Variants in ZMAT4 observed in about 807,000 individuals in gnomAD.
The protein encoded by ZMAT4 is zinc finger matrin-type protein 4.
Under a neutral mutation model 28.7 loss-of-function variants are expected in ZMAT4, and 17 were observed. That is an observed-to-expected ratio of 0.59 (90% CI 0.41 to 0.89). ZMAT4 has a LOEUF of 0.89. Ranked by LOEUF, ZMAT4 falls within the 40% of genes least tolerant of loss-of-function variation. ZMAT4 has a pLI of 0.00. For missense variants in ZMAT4, 240 were observed against 283.8 expected (o/e 0.85, Z 1.11); for synonymous variants, 117 against 109.2 (o/e 1.07, Z -0.44).
In ZMAT4 at chr8:40,616,938, G is replaced by T. The variant is rs556339724; in HGVS notation, c.578-35677C>A. Among the ~76,000 whole-genome samples, 11 of 151,346 alleles carry T rather than the reference G, an allele frequency of 7.3e-5. No individual in the cohort carries two copies. In the East Asian group the frequency reaches 1.9e-3, roughly 27 times the overall value. On this transcript the variant is annotated intron_variant, in intron 5 of 6. Transcript: ENST00000297737. Reference sequence around the variant, plus strand: ...GAACTACAGTAATTTTACAAAACTTGGTTTTAGGTTTTCTAATAGCCAGAG... The same window carrying T: ...GAACTACAGTAATTTTACAAAACTTTGTTTTAGGTTTTCTAATAGCCAGAG...
At chr8:40,697,429 G>A (rs1809939967) in intron 3 of ZMAT4, 28 bp from the exon 4 acceptor site, 2 of 1,508,616 alleles carry the variant, frequency 1.3e-6, no homozygotes, top group African/African-American at 2.8e-5. Flanking sequence ...AAGGCCACGT[G>A]TGAGAGAAAC....
chr8:40,670,730 C>G (rs1017060646), intron 5 of ZMAT4, among the ~76,000 whole-genome samples: 2 of 152,114 alleles, frequency 1.3e-5, no homozygotes, highest in African/African-American at 4.8e-5. Context: ...CATAAACAGA[C>G]ACTTCACAAA....
chr8:40,716,139 G>T (rs1178349950), intron 3 of ZMAT4, among the ~76,000 whole-genome samples: 2 of 152,224 alleles, frequency 1.3e-5, no homozygotes, highest in Non-Finnish European at 2.9e-5. Flanking sequence ...TAGGGGAAAA[G>T]ATTTCAAATC....
At chr8:40,803,846 T>C (rs751178971) in intron 2 of ZMAT4, among the ~76,000 whole-genome samples, 1 of 152,178 alleles carries the variant, frequency 6.6e-6, no homozygotes, top group Admixed American at 6.5e-5. Flanking sequence ...CTTCAGTAGA[T>C]GAAGGTATAA....
At chr8:40,552,696 A>AATATAGG (rs1359798162) in intron 6 of ZMAT4, among the ~76,000 whole-genome samples, 5 of 152,140 alleles carry the variant, frequency 3.3e-5, no homozygotes, top group Non-Finnish European at 7.4e-5. Context: ...CTCCTATATT[A>AATATAGG]AGTGTGTCAT....
At chr8:40,758,506 T>G (rs1173608132) in intron 3 of ZMAT4, among the ~76,000 whole-genome samples, 1 of 152,222 alleles carries the variant, frequency 6.6e-6, no homozygotes, top group African/African-American at 2.4e-5. Flanking sequence ...CACCAGATTT[T>G]AGTTATTAAG....
rs181026683 is a variant in ZMAT4 at position 40,896,467 on chromosome 8, T to C, written c.-5+1216A>G. ...TCCCGCAGGTAGGCAGCGCAACTGG[T>C]GAAGTGCGGTGGGCACACAAGCAGA... On this transcript the variant is annotated intron_variant, in intron 1 of 6. Coordinates refer to ENST00000297737, the MANE Select transcript of ZMAT4 (RefSeq NM_024645.3). Among the ~76,000 whole-genome samples the C allele has an allele frequency of 1.5e-3, 221 of 152,230 alleles. 1 individual carries two copies. The highest frequency in any genetic ancestry group is 5.0e-3 in the African/African-American group (208 of 41,536).
intron 2 of ZMAT4, among the ~76,000 whole-genome samples, chr8:40,817,738 C>G (rs1815601368): frequency 6.6e-6 from 1 of 152,146 alleles, no homozygotes. Context: ...GAAATGTGAG[C>G]TGAATACAGT....
chr8:40,746,940 AC>A (rs1357399125), intron 3 of ZMAT4, among the ~76,000 whole-genome samples: 1 of 151,922 alleles, frequency 6.6e-6, no homozygotes, highest in Non-Finnish European at 1.5e-5. Context: ...ACTCAGAATC[AC>A]TGCTGCAGAA....
intron 5 of ZMAT4, among the ~76,000 whole-genome samples, chr8:40,583,816 C>A (rs1804573333): frequency 1.3e-5 from 2 of 152,130 alleles, no homozygotes; most frequent in African/African-American, 4.8e-5. Context: ...AGACAAGAGA[C>A]AAAAGGCTGC....
chr8:40,632,896 T>C (rs1045053737), intron 5 of ZMAT4, among the ~76,000 whole-genome samples: 4 of 152,170 alleles, frequency 2.6e-5, no homozygotes, highest in African/African-American at 4.8e-5. Flanking sequence ...TGTAGTGGTG[T>C]TGTGGGTTAG....
chr8:40,798,353 C>T lies in ZMAT4; in HGVS notation c.102+27222G>A, dbSNP rs556015316. Among the ~76,000 whole-genome samples the T allele has an allele frequency of 3.3e-5, 5 of 152,328 alleles. No individual in the cohort carries two copies. The East Asian group carries it at 9.7e-4, about 29-fold the overall frequency. ...AATGTGTTCTTGCTGACTGGCATCG[C>T]TCTGTTCCAAGGTCCCAATGCCAGG... On this transcript the variant is annotated intron_variant, in intron 2 of 6. Coordinates refer to ENST00000297737, the MANE Select transcript of ZMAT4 (RefSeq NM_024645.3).
intron 5 of ZMAT4, among the ~76,000 whole-genome samples, chr8:40,589,768 T>G (rs1287454284): frequency 6.8e-6 from 1 of 147,386 alleles, no homozygotes; most frequent in Non-Finnish European, 1.5e-5. Context: ...TTCTTTTTCT[T>G]TCTTTCTTTC....
At chr8:40,690,931 C>A in intron 4 of ZMAT4, 1 of 985,070 alleles carries the variant, frequency 1.0e-6, no homozygotes, top group Non-Finnish European at 1.2e-6. Flanking sequence ...GCTTTTCTTA[C>A]ATTGTTTACT....
chr8:40,886,682 C>T (rs188515487), intron 1 of ZMAT4, among the ~76,000 whole-genome samples: 2 of 152,326 alleles, frequency 1.3e-5, no homozygotes, highest in East Asian at 3.9e-4. Context: ...CCATGAGCTG[C>T]TCCCGAATTT....
chr8:40,752,996 T>G (rs1419327069), intron 3 of ZMAT4, among the ~76,000 whole-genome samples: 1 of 152,110 alleles, frequency 6.6e-6, no homozygotes, highest in Non-Finnish European at 1.5e-5. Context: ...CATCTAGGTT[T>G]TAAGCCCTGT....
chr8:40,604,007 T>C (rs1805493208), intron 5 of ZMAT4, among the ~76,000 whole-genome samples: 1 of 152,210 alleles, frequency 6.6e-6, no homozygotes, highest in African/African-American at 2.4e-5. Context: ...GAGTTATTGA[T>C]TTGATTCTCA....
rs1563340240 is a variant in ZMAT4, at chr8:40,560,218, A to ATATAT, written c.674+20946_674+20947insATATA. Among the ~76,000 whole-genome samples, 344 of 134,738 alleles carry ATATAT rather than the reference A, an allele frequency of 2.6e-3. 3 individuals are homozygous for ATATAT. Among genetic ancestry groups the ATATAT allele is most frequent in the African/African-American group, 8.7e-3 (336 of 38,624 alleles). 88.4% of individuals were successfully genotyped at this position (134,738 alleles called of 152,430 possible). A position where few individuals can be genotyped will look rare whatever the true frequency, so the allele number is the denominator to read the frequency against. On this transcript the variant is annotated intron_variant, in intron 6 of 6. Transcript: ENST00000297737. The stretch of plus-strand genomic sequence containing the variant: ...AACTTTATATATATATATATATATA[A>ATATAT]AATTTGACCAAGGGAAATTGTACAT...
chr8:40,610,112 A>G (rs1217240389), intron 5 of ZMAT4, among the ~76,000 whole-genome samples: 1 of 152,230 alleles, frequency 6.6e-6, no homozygotes, highest in Non-Finnish European at 1.5e-5. Flanking sequence ...TCCTCTAATA[A>G]TTCCAGTCTT....
Sources: allele counts gnomAD v4.1 joint callset (sites outside exome capture counted in the v4.1 genomes callset), GRCh38; gene constraint gnomAD v4.1.1; transcripts MANE v1.5; gene names NCBI Gene and HGNC (gene_info 2026-07-23, HGNC 2026-07-21).